The following CEP57L1 variants were observed in gnomAD, a reference collection of about 807,000 sequenced individuals.
CEP57L1 encodes the protein centrosomal protein CEP57L1.
Under a neutral mutation model 61.0 loss-of-function variants are expected in CEP57L1, and 37 were observed. The observed-to-expected ratio is 0.61, with a 90% CI of 0.47 to 0.80. The LOEUF (loss-of-function observed/expected upper bound fraction) is 0.80, where lower values mean the gene tolerates loss of function less well. CEP57L1 is among the 30% of genes least tolerant of loss of function. The probability of loss-of-function intolerance (pLI) is 0.00; values close to 1 mark genes in which losing one functional copy is unlikely to be tolerated. For synonymous variants in CEP57L1, 137 were observed against 162.3 expected, an observed-to-expected ratio of 0.84 and a Z score of 1.19; for missense variants, 422 against 524.7, an observed-to-expected ratio of 0.80 and a Z score of 1.91.
intron 1 of CEP57L1, among the ~76,000 whole-genome samples, chr6:109,115,640 T>G (rs1169783822): frequency 6.6e-6 from 1 of 152,120 alleles, no homozygotes; most frequent in East Asian, 1.9e-4. Flanking sequence ...AAAGAAAAAT[T>G]TGATTATTTA....
intron 7 of CEP57L1, chr6:109,158,393 G>A: frequency 3.5e-6 from 1 of 285,618 alleles, no homozygotes; most frequent in Non-Finnish European, 6.8e-6. Context: ...GGAGACAAAA[G>A]CAGGAGAATC....
At chr6:109,122,495 T>G (rs1219177950) in intron 1 of CEP57L1, among the ~76,000 whole-genome samples, 1 of 152,120 alleles carries the variant, frequency 6.6e-6, no homozygotes, top group Admixed American at 6.6e-5. Flanking sequence ...TATTGTGGCT[T>G]AGATTTGATC....
rs1456164942 is a variant in CEP57L1, at chr6:109,099,525, CTTTTA to C, written c.-4+3954_-4+3958del. The stretch of plus-strand genomic sequence containing the variant: ...AAAGGGTACAAAAGCCAGATGGGTA[CTTTTA>C]TTTATTTATTTATTTTTATTTATTT... On this transcript the variant is annotated intron_variant, in intron 1 of 10. Transcript: ENST00000517392. Among the ~76,000 whole-genome samples, 3 of 151,722 alleles carry C rather than the reference CTTTTA, an allele frequency of 2.0e-5. No individual in the cohort carries two copies. In the East Asian group the frequency reaches 5.8e-4, roughly 29 times the overall value.
chr6:109,129,373 C>G, intron 1 of CEP57L1: 1 of 1,218,856 alleles, frequency 8.2e-7, no homozygotes, highest in Non-Finnish European at 1.1e-6. Flanking sequence ...ACTGATCAGT[C>G]TTCCAGCTTC....
At chr6:109,105,725 C>G (rs1349057031) in intron 1 of CEP57L1, among the ~76,000 whole-genome samples, 1 of 152,076 alleles carries the variant, frequency 6.6e-6, no homozygotes, top group African/African-American at 2.4e-5. Context: ...ATTACATTTT[C>G]TAGATAGATT....
chr6:109,173,505 A>G lies in CEP57L1; in HGVS notation c.*10535A>G, dbSNP rs1384031808. Among the ~76,000 whole-genome samples the G allele has an allele frequency of 1.3e-5, 2 of 148,426 alleles. No homozygotes were observed. The highest frequency in any genetic ancestry group is 3.0e-5 in the Non-Finnish European group (2 of 67,210). ...GTGAATGCAATCAAAGCTCACTGCA[A>G]CCTCAAACTCTTGGGCTTAAGCAGT... On this transcript the variant is annotated 3_prime_UTR_variant, in exon 11 of 11. Transcript: ENST00000517392.
chr6:109,114,369 T>C (rs1772033325), intron 1 of CEP57L1, among the ~76,000 whole-genome samples: 1 of 152,166 alleles, frequency 6.6e-6, no homozygotes, highest in South Asian at 2.1e-4. Flanking sequence ...TTTTGAGAAA[T>C]GTCTATTTAA....
intron 1 of CEP57L1, among the ~76,000 whole-genome samples, chr6:109,124,570 C>T (rs1773333849): frequency 6.6e-6 from 1 of 152,162 alleles, no homozygotes. Context: ...AATTGTGCCT[C>T]ATAGCATTGG....
intron 8 of CEP57L1, 72 bp from the exon 9 acceptor site, chr6:109,159,195 TCA>T: frequency 1.2e-6 from 2 of 1,613,668 alleles, no homozygotes; most frequent in Non-Finnish European, 1.7e-6. Context: ...AAAATTATTC[TCA>T]GTTGTTTCTT....
At chr6:109,138,819 G>A (rs1207538852) in intron 1 of CEP57L1, among the ~76,000 whole-genome samples, 1 of 152,142 alleles carries the variant, frequency 6.6e-6, no homozygotes, top group African/African-American at 2.4e-5. Context: ...TATGTTCTAA[G>A]ACCTTTAGTT....
At chr6:109,106,654 C>G (rs1770969721) in intron 1 of CEP57L1, among the ~76,000 whole-genome samples, 1 of 152,058 alleles carries the variant, frequency 6.6e-6, no homozygotes, top group Admixed American at 6.6e-5. Context: ...CAAGACCAGG[C>G]ATGATAGCTC....
intron 1 of CEP57L1, among the ~76,000 whole-genome samples, chr6:109,101,319 C>T (rs1425686229): frequency 6.6e-6 from 1 of 151,872 alleles, no homozygotes; most frequent in African/African-American, 2.4e-5. Flanking sequence ...GGCTCCTTTA[C>T]TTAGCAATGT....
At chr6:109,160,062 C>A (rs552225735) in intron 9 of CEP57L1, among the ~76,000 whole-genome samples, 1 of 152,246 alleles carries the variant, frequency 6.6e-6, no homozygotes, top group African/African-American at 2.4e-5. Context: ...ATTGTGCCCA[C>A]CTGCTTAAAT....
chr6:109,133,916 A>G (rs1404071101), intron 1 of CEP57L1, among the ~76,000 whole-genome samples: 2 of 152,222 alleles, frequency 1.3e-5, no homozygotes, highest in African/African-American at 4.8e-5. Flanking sequence ...TGAGGCAATA[A>G]TTAATAGCTT....
In CEP57L1 at chr6:109,146,875, C is replaced by G. The variant is rs147829399; in HGVS notation, c.278C>G (p.Ala93Gly). 189 of 1,608,816 alleles carry G rather than the reference C, an allele frequency of 1.2e-4. No homozygotes were observed. Among genetic ancestry groups the G allele is most frequent in the Non-Finnish European group, 1.5e-4 (181 of 1,177,808 alleles). Residue 93 changes from alanine to glycine, a missense_variant, in exon 3 of 11, where the codon GCC becomes GGC. Ala to Gly is a moderately conservative substitution (Grantham distance 60). Transcript: ENST00000517392. ...LSREAAQYKK[A>G]LENETNERNL... ...AGAGAAGCAGCACAGTATAAGAAGG[C>G]CTTAGAGAATGAAACAAATGAGAGA...
At position 109,162,914 on chromosome 6, in the gene CEP57L1, C is replaced by T. The variant is rs753907871; in HGVS notation, c.1327C>T (p.Arg443Ter). The T allele has an allele frequency of 1.2e-5, 19 of 1,612,896 alleles. No homozygotes were observed. Among genetic ancestry groups the T allele is most frequent in the Admixed American group, 3.3e-5 (2 of 59,964 alleles). ...GAAAAACAGCAGCTTTCATCCAATA[C>T]GAGTTCATAATCTTCAAATGAAATT... ...FQKNSSFHPI[R>*]VHNLQMKLRR... Residue 443 changes from arginine to a stop codon, truncating the protein, a stop_gained, in exon 11 of 11, where the codon CGA becomes TGA. Coordinates refer to ENST00000517392, the MANE Select transcript of CEP57L1 (RefSeq NM_001271852.3). LOFTEE classifies it high-confidence loss of function.
chr6:109,127,880 G>A lies in CEP57L1; in HGVS notation c.-3-17339G>A, dbSNP rs541908286. ...GCTGACCTCGTGATCCGCCCGCCTC[G>A]GCCTCCCAAAGTGCTGGGATTACAG... On this transcript the variant is annotated intron_variant, in intron 1 of 10. Transcript: ENST00000517392. Among the ~76,000 whole-genome samples, 6 of 151,702 alleles carry A rather than the reference G, an allele frequency of 4.0e-5. No homozygotes were observed. The South Asian group carries it at 1.0e-3, about 26-fold the overall frequency.
At chr6:109,158,740 G>A (rs944556806) in intron 7 of CEP57L1, 1 of 516,282 alleles carries the variant, frequency 1.9e-6, no homozygotes, top group Non-Finnish European at 3.6e-6. Context: ...TATTTTCTCT[G>A]TGTGCTTGCC....
At chr6:109,123,840 G>A (rs112391522) in intron 1 of CEP57L1, among the ~76,000 whole-genome samples, 4 of 151,964 alleles carry the variant, frequency 2.6e-5, no homozygotes, top group Admixed American at 6.6e-5. Context: ...AGGCCAAGGC[G>A]GGCAGATCAC....
Sources: allele counts gnomAD v4.1 joint callset (sites outside exome capture counted in the v4.1 genomes callset), GRCh38; gene constraint gnomAD v4.1.1; transcripts MANE v1.5; gene names NCBI Gene and HGNC (gene_info 2026-07-23, HGNC 2026-07-21).